Variants in NAALADL2 observed in about 807,000 individuals in gnomAD.
NAALADL2 encodes the protein N-acetylated alpha-linked acidic dipeptidase like 2.
A neutral mutation model predicts 87.2 loss-of-function variants in NAALADL2; 76 were observed. The observed-to-expected ratio is 0.87, with a 90% confidence interval of 0.72 to 1.05. The LOEUF is 1.05. Ranked by LOEUF, NAALADL2 falls within the 50% of genes least tolerant of loss-of-function variation. The pLI, the probability that NAALADL2 is intolerant of heterozygous loss-of-function variation, is 0.00. For synonymous variants in NAALADL2, 354 were observed against 331.0 expected (o/e 1.07, Z -0.75); for missense variants, 1,089 against 945.8 (o/e 1.15, Z -1.99).
chr3:174,559,052 A>G (rs1026187179), intron 2 of NAALADL2, among the ~76,000 whole-genome samples: 1 of 152,086 alleles, frequency 6.6e-6, no homozygotes, highest in Admixed American at 6.5e-5. Flanking sequence ...AAGATTAGTG[A>G]CTTTTATCTT....
intron 2 of NAALADL2, among the ~76,000 whole-genome samples, chr3:174,559,125 A>G (rs974821020): frequency 6.6e-6 from 1 of 152,148 alleles, no homozygotes; most frequent in Admixed American, 6.5e-5. Context: ...GCTAAATCAG[A>G]TATCAGGAGA....
intron 13 of NAALADL2, among the ~76,000 whole-genome samples, chr3:175,761,519 AGT>A (rs1321215773): frequency 6.6e-6 from 1 of 152,202 alleles, no homozygotes; most frequent in Non-Finnish European, 1.5e-5. Context: ...CAGATACCAA[AGT>A]GTGCAATTGC....
At position 174,487,785 on chromosome 3, in the gene NAALADL2, T is replaced by C. The variant is rs1439875138; in HGVS notation, c.-184+46753T>C. The stretch of plus-strand genomic sequence containing the variant: ...CTAGAATGGGAAGCAATGGCTATAT[T>C]GTGGAGGTGCTGGAATGCAAAGGCC... On this transcript the variant is annotated intron_variant, in intron 1 of 3. Transcript: ENST00000434257. Among the ~76,000 whole-genome samples the C allele has an allele frequency of 4.0e-5, 6 of 151,814 alleles. No individual in the cohort carries two copies. In the South Asian group the frequency reaches 6.2e-4, roughly 16 times the overall value.
intron 1 of NAALADL2, among the ~76,000 whole-genome samples, chr3:175,031,119 T>A (rs1447090020): frequency 1.3e-5 from 2 of 152,078 alleles, no homozygotes; most frequent in East Asian, 3.9e-4. Context: ...CTTTGTTTTT[T>A]AAAATTTTTT....
chr3:175,154,208 TC>T (rs1393688196), intron 2 of NAALADL2, among the ~76,000 whole-genome samples: 4 of 152,160 alleles, frequency 2.6e-5, no homozygotes, highest in Admixed American at 2.6e-4. Context: ...AAAGAGATTT[TC>T]TGGTACCTTT....
intron 12 of NAALADL2, among the ~76,000 whole-genome samples, chr3:175,747,639 CTTTTT>C (rs111942136): frequency 6.7e-6 from 1 of 148,912 alleles, no homozygotes; most frequent in Non-Finnish European, 1.5e-5. Flanking sequence ...TCATTTAAGC[CTTTTT>C]TTTTTCTTTT....
chr3:175,658,932 G>T (rs1038345966), intron 11 of NAALADL2, among the ~76,000 whole-genome samples: 1 of 151,626 alleles, frequency 6.6e-6, no homozygotes, highest in Non-Finnish European at 1.5e-5. Context: ...ACACACACAT[G>T]CACACACACA....
At chr3:175,149,703 A>C (rs767088555) in intron 2 of NAALADL2, among the ~76,000 whole-genome samples, 5 of 152,182 alleles carry the variant, frequency 3.3e-5, no homozygotes, top group Non-Finnish European at 7.3e-5. Flanking sequence ...CCTTCCACTT[A>C]AAACATAGTT....
intron 1 of NAALADL2, among the ~76,000 whole-genome samples, chr3:175,009,130 G>A (rs1321764034): frequency 1.3e-5 from 2 of 152,048 alleles, no homozygotes; most frequent in African/African-American, 4.8e-5. Context: ...AGCTTGTTGG[G>A]CCTCACTCCC....
chr3:175,593,180 C>T (rs1178399196), intron 10 of NAALADL2, among the ~76,000 whole-genome samples: 3 of 151,988 alleles, frequency 2.0e-5, no homozygotes, highest in African/African-American at 7.3e-5. Flanking sequence ...CCCTCAAAAG[C>T]CCCCAGTATG....
chr3:175,099,150 A>T (rs1309195198), intron 2 of NAALADL2, among the ~76,000 whole-genome samples: 1 of 152,154 alleles, frequency 6.6e-6, no homozygotes, highest in Non-Finnish European at 1.5e-5. Context: ...AGTCATCTTT[A>T]ATAGCTGGCT....
intron 1 of NAALADL2, among the ~76,000 whole-genome samples, chr3:174,886,299 G>C (rs915273871): frequency 6.6e-6 from 1 of 152,040 alleles, no homozygotes; most frequent in African/African-American, 2.4e-5. Context: ...AGGCTGGGAG[G>C]CTAGGCCAGT....
chr3:175,549,068 T>C (rs1347952589), intron 9 of NAALADL2, among the ~76,000 whole-genome samples: 1 of 152,048 alleles, frequency 6.6e-6, no homozygotes, highest in Non-Finnish European at 1.5e-5. Context: ...TGTCATTAAA[T>C]TTTTTAAATT....
intron 3 of NAALADL2, among the ~76,000 whole-genome samples, chr3:174,745,420 A>G (rs1560189795): frequency 6.6e-6 from 1 of 152,164 alleles, no homozygotes; most frequent in Admixed American, 6.5e-5. Flanking sequence ...GAATAGACCA[A>G]TAAGTTCTGA....
At chr3:175,056,069 C>T (rs573343153) in intron 1 of NAALADL2, among the ~76,000 whole-genome samples, 262 of 152,194 alleles carry the variant, frequency 1.7e-3, no homozygotes, top group African/African-American at 6.1e-3. Context: ...TGAGAGTGGT[C>T]GCCAAAGGTG....
rs1241503635 is a variant in NAALADL2, at chr3:175,132,875, C to A, written c.545+35584C>A. On this transcript the variant is annotated intron_variant, in intron 2 of 13. Coordinates refer to ENST00000454872, the MANE Select transcript of NAALADL2 (RefSeq NM_207015.3). ...GGGTGGCTGCCAGGCGGAGGGGCTC[C>A]TCACTTCTCAGATGGGGCGGCTGCC... Among the ~76,000 whole-genome samples the A allele has an allele frequency of 2.6e-5, 4 of 151,742 alleles. No individual in the cohort carries two copies. The East Asian group carries it at 7.9e-4, about 30-fold the overall frequency.
chr3:175,011,263 G>GAGAGA (rs1560472148), intron 1 of NAALADL2, among the ~76,000 whole-genome samples: 1 of 87,970 alleles, frequency 1.1e-5, no homozygotes, highest in African/African-American at 4.9e-5. Flanking sequence ...AGAGAGAGAG[G>GAGAGA]GAGAGAGACA....
intron 1 of NAALADL2, among the ~76,000 whole-genome samples, chr3:174,451,858 T>TGC (rs1715508617): frequency 2.8e-5 from 4 of 143,292 alleles, no homozygotes; most frequent in Admixed American, 2.8e-4. Context: ...TTTTTTTTTT[T>TGC]TTTTTTTTTT....
At position 175,808,968 on chromosome 3, in the gene NAALADL2, T is replaced by C. The variant is rs1754933874; in HGVS notation, c.*5765T>C. On this transcript the variant is annotated 3_prime_UTR_variant, in exon 14 of 14. Coordinates refer to ENST00000454872, the MANE Select transcript of NAALADL2 (RefSeq NM_207015.3). Reference sequence around the variant, plus strand: ...ACTTCTTCAAAGGGCCTTTATTCAATATGTTACCACTCATATGGTCATTAC... The same window carrying C: ...ACTTCTTCAAAGGGCCTTTATTCAACATGTTACCACTCATATGGTCATTAC... The C allele has an allele frequency of 6.6e-6, 1 of 151,986 alleles. No individual in the cohort carries two copies. The highest frequency in any genetic ancestry group is 2.1e-4 in the South Asian group (1 of 4,832). 9.4% of individuals were successfully genotyped at this position (151,986 alleles called of 1,614,324 possible).
Sources: gnomAD v4.1 joint callset for allele counts (sites outside exome capture counted in the v4.1 genomes callset) on GRCh38, gnomAD v4.1.1 for gene constraint, MANE v1.5 for transcripts, NCBI Gene and HGNC (gene_info 2026-07-23, HGNC 2026-07-21) for gene names.